The following EXOC6B variants were observed in gnomAD, a reference collection of about 807,000 sequenced individuals.
EXOC6B encodes the protein SEC15 homolog B.
EXOC6B carries 54 observed loss-of-function variants against 113.5 expected under a neutral mutation model. The ratio of observed to expected loss-of-function variants is 0.48; its 90% CI spans 0.38 to 0.60. The LOEUF is 0.60. Ranked by LOEUF, EXOC6B falls within the 20% of genes least tolerant of loss-of-function variation. The probability of loss-of-function intolerance (pLI) is 0.00; values close to 1 mark genes in which losing one functional copy is unlikely to be tolerated. For missense variants in EXOC6B, 797 were observed against 977.5 expected (o/e 0.82, Z 2.46); for synonymous variants, 357 against 339.0 (o/e 1.05, Z -0.58).
chr2:72,620,787 A>C (rs1230834582), intron 6 of EXOC6B, among the ~76,000 whole-genome samples: 1 of 152,130 alleles, frequency 6.6e-6, no homozygotes, highest in Non-Finnish European at 1.5e-5. Context: ...CAGAATCTAT[A>C]AGGAACTCAA....
chr2:72,575,457 AAT>A (rs1704775689), intron 7 of EXOC6B, 33 bp downstream of exon 7: 2 of 1,583,290 alleles, frequency 1.3e-6, no homozygotes, highest in Admixed American at 3.7e-5. Flanking sequence ...TAAGCTTAAA[AAT>A]AGTCTCACTT....
At chr2:72,813,084 A>G (rs1294229039) in intron 1 of EXOC6B, among the ~76,000 whole-genome samples, 2 of 152,152 alleles carry the variant, frequency 1.3e-5, no homozygotes, top group African/African-American at 4.8e-5. Flanking sequence ...TCAAAAGTTT[A>G]ATTGTACTTA....
At chr2:72,443,091 C>T (rs1696316562) in intron 18 of EXOC6B, among the ~76,000 whole-genome samples, 1 of 151,968 alleles carries the variant, frequency 6.6e-6, no homozygotes, top group Non-Finnish European at 1.5e-5. Context: ...CTTTGGGAGG[C>T]TGAGGTGGGT....
At chr2:72,643,367 T>C (rs1046401028) in intron 6 of EXOC6B, among the ~76,000 whole-genome samples, 18 of 147,774 alleles carry the variant, frequency 1.2e-4, no homozygotes, top group African/African-American at 3.8e-4. Flanking sequence ...CCAACCCAAA[T>C]GTCCAACAAT....
At chr2:72,235,756 T>C (rs560824682) in intron 20 of EXOC6B, among the ~76,000 whole-genome samples, 2 of 152,088 alleles carry the variant, frequency 1.3e-5, no homozygotes, top group East Asian at 3.9e-4. Context: ...GTCTGCCCCT[T>C]TGCTGCACGG....
intron 20 of EXOC6B, among the ~76,000 whole-genome samples, chr2:72,281,360 T>C (rs1323226903): frequency 6.6e-6 from 1 of 151,930 alleles, no homozygotes; most frequent in Non-Finnish European, 1.5e-5. Context: ...AACAGAGATA[T>C]GAGAAAAGCA....
In EXOC6B at chr2:72,311,700, G is replaced by A. The variant is rs114259053; in HGVS notation, c.2196+23247C>T. Among the ~76,000 whole-genome samples, 824 of 152,010 alleles carry A rather than the reference G, an allele frequency of 5.4e-3. 8 individuals are homozygous for A. Among genetic ancestry groups the A allele is most frequent in the African/African-American group, 0.019 (791 of 41,442 alleles). On this transcript the variant is annotated intron_variant, in intron 20 of 21. Transcript: ENST00000272427. Reference sequence around the variant, plus strand: ...TAAGATGTTGACACCTTGTGGGGAGGGAGGATATTATTCTGCCACACACAC... The same window carrying A: ...TAAGATGTTGACACCTTGTGGGGAGAGAGGATATTATTCTGCCACACACAC...
chr2:72,504,891 G>C (rs781471437), intron 11 of EXOC6B, among the ~76,000 whole-genome samples: 1 of 152,046 alleles, frequency 6.6e-6, no homozygotes, highest in Admixed American at 6.6e-5. Flanking sequence ...TTCCCAGCCA[G>C]GTGGATTCCT....
At chr2:72,802,248 G>A (rs1378022697) in intron 1 of EXOC6B, among the ~76,000 whole-genome samples, 3 of 151,056 alleles carry the variant, frequency 2.0e-5, no homozygotes, top group African/African-American at 2.4e-5. Flanking sequence ...TCGCTTGAAC[G>A]CAGGAGGTGG....
At chr2:72,473,000 G>T (rs1018641190) in intron 17 of EXOC6B, among the ~76,000 whole-genome samples, 2 of 152,038 alleles carry the variant, frequency 1.3e-5, no homozygotes, top group African/African-American at 4.8e-5. Context: ...TGTTTCTCTT[G>T]GTATTGATTT....
chr2:72,458,438 A>G (rs141082447), intron 18 of EXOC6B, among the ~76,000 whole-genome samples: 40 of 152,256 alleles, frequency 2.6e-4, no homozygotes, highest in African/African-American at 8.7e-4. Context: ...TCTAGAGAAT[A>G]TAATGGTTGG....
intron 20 of EXOC6B, among the ~76,000 whole-genome samples, chr2:72,287,598 A>T (rs924899370): frequency 2.6e-5 from 4 of 152,016 alleles, no homozygotes; most frequent in Non-Finnish European, 5.9e-5. Context: ...AACCAATAGT[A>T]GGAATGAAAA....
chr2:72,656,474 A>G (rs1674583709), intron 6 of EXOC6B, among the ~76,000 whole-genome samples: 1 of 152,268 alleles, frequency 6.6e-6, no homozygotes, highest in Admixed American at 6.5e-5. Context: ...CTTCACATCT[A>G]TGCAAGGAAT....
intron 16 of EXOC6B, among the ~76,000 whole-genome samples, chr2:72,486,660 A>G (rs1204653060): frequency 6.6e-6 from 1 of 152,092 alleles, no homozygotes; most frequent in Non-Finnish European, 1.5e-5. Flanking sequence ...ATTTGCATTC[A>G]CACACTCTGA....
At chr2:72,813,850 T>C (rs929571979) in intron 1 of EXOC6B, among the ~76,000 whole-genome samples, 6 of 152,180 alleles carry the variant, frequency 3.9e-5, no homozygotes, top group African/African-American at 1.4e-4. Context: ...CTCGTTTAGA[T>C]ATTTCACTGG....
At chr2:72,634,680 C>T (rs1412095365) in intron 6 of EXOC6B, among the ~76,000 whole-genome samples, 1 of 152,118 alleles carries the variant, frequency 6.6e-6, no homozygotes, top group Admixed American at 6.6e-5. Flanking sequence ...AAGAATTCAC[C>T]AGTACCATCA....
rs567624580 is a variant in EXOC6B at position 72,260,705 on chromosome 2, C to T, written c.2196+74242G>A. Among the ~76,000 whole-genome samples the T allele has an allele frequency of 7.2e-5, 11 of 152,090 alleles. No homozygotes were observed. In the South Asian group the frequency reaches 1.0e-3, roughly 14 times the overall value. On this transcript the variant is annotated intron_variant, in intron 20 of 21. Coordinates refer to ENST00000272427, the MANE Select transcript of EXOC6B (RefSeq NM_015189.3). ...ATTTTGGCAATTTCCTTGTAATAGC[C>T]GCAATTCTTGGTAACTTAATCCTTG...
At chr2:72,377,728 A>T (rs915359220) in intron 19 of EXOC6B, among the ~76,000 whole-genome samples, 1 of 152,200 alleles carries the variant, frequency 6.6e-6, no homozygotes, top group Admixed American at 6.5e-5. Flanking sequence ...TATTGGTCAA[A>T]TAATACAAAA....
At chr2:72,255,607 A>T (rs764114206) in intron 20 of EXOC6B, among the ~76,000 whole-genome samples, 2 of 152,182 alleles carry the variant, frequency 1.3e-5, no homozygotes, top group Non-Finnish European at 2.9e-5. Context: ...TGTCTATTGT[A>T]TCCCTATCCC....
Sources: allele counts gnomAD v4.1 joint callset (sites outside exome capture counted in the v4.1 genomes callset), GRCh38; gene constraint gnomAD v4.1.1; transcripts MANE v1.5; gene names NCBI Gene and HGNC (gene_info 2026-07-23, HGNC 2026-07-21).